GAREM1: variants seen among roughly 807,000 people sequenced by gnomAD.
GAREM1 encodes the protein GRB2 associated regulator of MAPK1 subtype 1.
In GAREM1, 26 loss-of-function variants were observed where a neutral mutation model predicts 71.3. The ratio of observed to expected loss-of-function variants is 0.36; its 90% CI spans 0.27 to 0.51. The LOEUF is 0.51. Ranked by LOEUF, GAREM1 falls within the 20% of genes least tolerant of loss-of-function variation. The pLI, the probability that GAREM1 is intolerant of heterozygous loss-of-function variation, is 0.95. For synonymous variants in GAREM1, 440 were observed against 433.2 expected, an observed-to-expected ratio of 1.02 and a Z score of -0.20; for missense variants, 1,026 against 1,103.1, an observed-to-expected ratio of 0.93 and a Z score of 0.99.
intron 2 of GAREM1, among the ~76,000 whole-genome samples, chr18:32,323,856 TCA>T (rs1196405182): frequency 1.2e-4 from 18 of 152,050 alleles, no homozygotes; most frequent in Admixed American, 1.1e-3. Flanking sequence ...TAATTTTTAC[TCA>T]CAGAATTTTC....
intron 1 of GAREM1, among the ~76,000 whole-genome samples, chr18:32,447,930 C>A (rs758090714): frequency 2.6e-5 from 4 of 152,078 alleles, no homozygotes; most frequent in Non-Finnish European, 5.9e-5. Context: ...TAATCCTATA[C>A]CATGTGTGTT....
At chr18:32,272,627 CT>C (rs549844914) in intron 4 of GAREM1, among the ~76,000 whole-genome samples, 5,660 of 143,544 alleles carry the variant, frequency 0.039, 119 homozygotes, top group Non-Finnish European at 0.059. Flanking sequence ...ATTCTGGGGT[CT>C]TTTTTTTTTT....
chr18:32,384,995 TG>T (rs1261893064), intron 2 of GAREM1, among the ~76,000 whole-genome samples: 1 of 152,020 alleles, frequency 6.6e-6, no homozygotes, highest in Non-Finnish European at 1.5e-5. Context: ...TTTTGACTCT[TG>T]AGGAAAAAAA....
At position 32,287,396 on chromosome 18, in the gene GAREM1, C is replaced by T; in HGVS notation, c.1201G>A (p.Val401Met). Residue 401 changes from valine (V) to methionine (M), a missense_variant, in exon 4 of 6, where the codon GTG (valine) becomes ATG (methionine). Physicochemically the swap from Val to Met is conservative, Grantham distance 21. Coordinates refer to ENST00000269209, the MANE Select transcript of GAREM1 (RefSeq NM_001242409.2). The surrounding 1 kb of genome is among the most constrained non-coding windows in gnomAD (Gnocchi z 5.9). ...AGGTCCCTGCAACCATGAAGGTTCA[C>T]CTCACTGTTGCCATGGAGATTGTTG... ...YGNNLHGNSEVNLHGCRDLGG... is the reference protein window; with the variant it reads ...YGNNLHGNSEMNLHGCRDLGG... 1 of 1,614,218 alleles carries T rather than the reference C, an allele frequency of 6.2e-7. No homozygotes were observed. Among genetic ancestry groups the T allele is most frequent in the Non-Finnish European group, 8.5e-7 (1 of 1,180,044 alleles).
chr18:32,336,144 C>T (rs368485101), intron 2 of GAREM1, among the ~76,000 whole-genome samples: 172 of 152,246 alleles, frequency 1.1e-3, no homozygotes, highest in South Asian at 7.1e-3. Flanking sequence ...AAAAACCATA[C>T]AGTAGGCCGG....
At chr18:32,452,827 G>A (rs1450934706) in intron 1 of GAREM1, among the ~76,000 whole-genome samples, 1 of 150,898 alleles carries the variant, frequency 6.6e-6, no homozygotes, top group South Asian at 2.1e-4. Flanking sequence ...ATCCAGAGAA[G>A]GGGGTTTTAT....
At chr18:32,429,582 A>G (rs1398798611) in intron 1 of GAREM1, among the ~76,000 whole-genome samples, 3 of 152,232 alleles carry the variant, frequency 2.0e-5, no homozygotes, top group African/African-American at 4.8e-5. Flanking sequence ...GAACTCCACA[A>G]CACAGTACTT....
chr18:32,343,311 G>GTTTTTTTTTTTTTTTTTTTTTTTT (rs35086441), intron 2 of GAREM1, among the ~76,000 whole-genome samples: 1 of 118,886 alleles, frequency 8.4e-6, no homozygotes, highest in African/African-American at 3.4e-5. Context: ...CTCCCCCACT[G>GTTTTTTTTTTTTTTTTTTTTTTTT]TTTTTTTTTT....
In GAREM1 at chr18:32,422,859, G is replaced by A. The variant is rs138632632; in HGVS notation, c.122-29824C>T. Among the ~76,000 whole-genome samples, 207 of 152,242 alleles carry A rather than the reference G, an allele frequency of 1.4e-3. 1 individual carries two copies. Among genetic ancestry groups the A allele is most frequent in the African/African-American group, 4.7e-3 (196 of 41,554 alleles). On this transcript the variant is annotated intron_variant, in intron 1 of 5. Coordinates refer to ENST00000269209, the MANE Select transcript of GAREM1 (RefSeq NM_001242409.2). ...TAGAAGTCTGCTTGGAGAAACTAAAGGTCAAGTGCTTTCCTTTTATAATTG... is the reference window on the plus strand; with the variant it reads ...TAGAAGTCTGCTTGGAGAAACTAAAAGTCAAGTGCTTTCCTTTTATAATTG...
Position 32,432,314 on chromosome 18 carries a change from T to C in GAREM1, c.121+37994A>G, listed in dbSNP as rs191442950. The stretch of plus-strand genomic sequence containing the variant: ...ACATTAAATGCTTACATTATAAAAG[T>C]AGAAAGGGCTCAAATCAATCTAAAC... On this transcript the variant is annotated intron_variant, in intron 1 of 5. Transcript: ENST00000269209. 4.2e-3 allele frequency among the ~76,000 whole-genome samples: 644 copies of C among 151,996 alleles called. 5 individuals carry two copies. The highest frequency in any genetic ancestry group is 0.014 in the African/African-American group (569 of 41,484).
chr18:32,285,188 CT>C (rs1300111902), intron 4 of GAREM1, among the ~76,000 whole-genome samples: 1 of 152,202 alleles, frequency 6.6e-6, no homozygotes, highest in Non-Finnish European at 1.5e-5. Context: ...GATCTCTGGG[CT>C]TGTGCCTGAT....
chr18:32,277,655 C>T (rs973333170), intron 4 of GAREM1, among the ~76,000 whole-genome samples: 2 of 152,312 alleles, frequency 1.3e-5, no homozygotes, highest in African/African-American at 2.4e-5. Context: ...GGGAGCTTAA[C>T]GTCATTTCCT....
chr18:32,417,880 T>C (rs1484425034), intron 1 of GAREM1, among the ~76,000 whole-genome samples: 2 of 152,186 alleles, frequency 1.3e-5, no homozygotes, highest in Admixed American at 6.5e-5. Context: ...AAAAGTATAA[T>C]TGGATTATTT....
At chr18:32,419,745 A>G (rs967415146) in intron 1 of GAREM1, among the ~76,000 whole-genome samples, 2 of 152,164 alleles carry the variant, frequency 1.3e-5, no homozygotes, top group Non-Finnish European at 2.9e-5. Flanking sequence ...GGATGAGTAC[A>G]AGGGAGCCAT....
Position 32,353,997 on chromosome 18 carries a change from G to A in GAREM1, c.262+38898C>T, listed in dbSNP as rs1473768813. Among the ~76,000 whole-genome samples the A allele has an allele frequency of 2.6e-5, 4 of 152,272 alleles. No individual in the cohort carries two copies. In the South Asian group the frequency reaches 6.2e-4, roughly 24 times the overall value. On this transcript the variant is annotated intron_variant, in intron 2 of 5. Coordinates refer to ENST00000269209, the MANE Select transcript of GAREM1 (RefSeq NM_001242409.2). ...AATAAAAGATGCCCTATTGGTATAT[G>A]TTAAGAAATGAATTGATGAGTATTA... is the stretch of plus-strand genomic sequence containing the variant.
intron 2 of GAREM1, among the ~76,000 whole-genome samples, chr18:32,362,253 A>G (rs1382612683): frequency 2.0e-5 from 3 of 152,138 alleles, no homozygotes; most frequent in African/African-American, 7.2e-5. Context: ...ATTCATGTAC[A>G]TTTATCTTTA....
chr18:32,433,743 T>C (rs2048647170), intron 1 of GAREM1, among the ~76,000 whole-genome samples: 2 of 152,106 alleles, frequency 1.3e-5, no homozygotes, highest in African/African-American at 2.4e-5. Context: ...AATAAAAATA[T>C]GTACAGAATC....
At chr18:32,281,309 T>C (rs1381586520) in intron 4 of GAREM1, among the ~76,000 whole-genome samples, 2 of 119,968 alleles carry the variant, frequency 1.7e-5, no homozygotes, top group South Asian at 4.7e-4. Context: ...TATAGTTAAA[T>C]CAGTTTTTTT....
intron 1 of GAREM1, among the ~76,000 whole-genome samples, chr18:32,421,486 C>T (rs2048519087): frequency 6.6e-6 from 1 of 152,172 alleles, no homozygotes; most frequent in Non-Finnish European, 1.5e-5. Context: ...CACATCATTC[C>T]CCTGCTTTGA....
Sources: gnomAD v4.1 joint callset for allele counts (sites outside exome capture counted in the v4.1 genomes callset) on GRCh38, gnomAD v4.1.1 for gene constraint, Gnocchi (gnomAD v3.1) non-coding constraint, MANE v1.5 for transcripts, NCBI Gene and HGNC (gene_info 2026-07-23, HGNC 2026-07-21) for gene names.